The following EXOC4 variants were observed in gnomAD, a reference collection of about 807,000 sequenced individuals.
The protein encoded by EXOC4 is exocyst complex component 4.
EXOC4 carries 71 observed loss-of-function variants against 107.2 expected under a neutral mutation model. The ratio of observed to expected loss-of-function variants is 0.66; its 90% CI spans 0.55 to 0.81. The LOEUF (loss-of-function observed/expected upper bound fraction) is 0.81, where lower values mean the gene tolerates loss of function less well. Ranked by LOEUF, EXOC4 falls within the 30% of genes least tolerant of loss-of-function variation. The pLI, the probability that EXOC4 is intolerant of heterozygous loss-of-function variation, is 0.00. For synonymous variants in EXOC4, 456 were observed against 441.2 expected, an observed-to-expected ratio of 1.03 and a Z score of -0.42; for missense variants, 1,108 against 1,189.6, an observed-to-expected ratio of 0.93 and a Z score of 1.01.
intron 9 of EXOC4, among the ~76,000 whole-genome samples, chr7:133,578,629 T>A (rs1481423271): frequency 6.6e-6 from 1 of 152,244 alleles, no homozygotes; most frequent in African/African-American, 2.4e-5. Flanking sequence ...TTAATTTGCA[T>A]AAATGTATTT....
chr7:133,780,052 T>G (rs1230187939), intron 10 of EXOC4, among the ~76,000 whole-genome samples: 1 of 152,126 alleles, frequency 6.6e-6, no homozygotes, highest in Non-Finnish European at 1.5e-5. Context: ...GTGCTGGCGA[T>G]AAAAGCAGTG....
At chr7:133,481,039 G>C (rs1005703822) in intron 9 of EXOC4, 3 of 135,374 alleles carry the variant, frequency 2.2e-5, no homozygotes, top group Non-Finnish European at 3.1e-5. Flanking sequence ...GACAAAGTGA[G>C]ACCATGTCTC....
At chr7:134,014,141 C>T (rs768087405) in intron 17 of EXOC4, among the ~76,000 whole-genome samples, 3 of 152,334 alleles carry the variant, frequency 2.0e-5, no homozygotes, top group Non-Finnish European at 4.4e-5. Context: ...CGGTGGCTCA[C>T]GCCTGTAATC....
intron 11 of EXOC4, among the ~76,000 whole-genome samples, chr7:133,844,794 C>T (rs905322911): frequency 2.0e-5 from 3 of 152,020 alleles, no homozygotes; most frequent in African/African-American, 4.8e-5. Flanking sequence ...GCCTCAAACT[C>T]AACTCAGGTG....
chr7:133,378,425 A>T (rs1796539155), intron 7 of EXOC4, among the ~76,000 whole-genome samples: 2 of 152,074 alleles, frequency 1.3e-5, no homozygotes, highest in African/African-American at 4.8e-5. Flanking sequence ...ACAAAAAAAA[A>T]AAATGCTTTT....
At chr7:134,065,916 C>T (rs747279954), downstream of EXOC4, 1 of 152,170 alleles carries the variant, frequency 6.6e-6, no homozygotes, top group African/African-American at 2.4e-5. Context: ...GCCAAAAATC[C>T]CAACAGCTCA....
chr7:133,865,819 G>T (rs1432564561), intron 11 of EXOC4, among the ~76,000 whole-genome samples: 1 of 152,176 alleles, frequency 6.6e-6, no homozygotes, highest in Non-Finnish European at 1.5e-5. Flanking sequence ...AAATCCACCT[G>T]CATGATCCAA....
At chr7:133,512,702 C>T (rs966433370) in intron 9 of EXOC4, among the ~76,000 whole-genome samples, 10 of 152,144 alleles carry the variant, frequency 6.6e-5, no homozygotes, top group African/African-American at 1.9e-4. Context: ...GTTAACTGAG[C>T]TTAGGTCATT....
chr7:133,943,612 A>G (rs1361556454), intron 14 of EXOC4, among the ~76,000 whole-genome samples: 1 of 152,158 alleles, frequency 6.6e-6, no homozygotes, highest in Non-Finnish European at 1.5e-5. Flanking sequence ...TGCTATATTT[A>G]TGTAATTTGT....
At chr7:133,690,914 C>T (rs369312945) in intron 10 of EXOC4, among the ~76,000 whole-genome samples, 3 of 152,116 alleles carry the variant, frequency 2.0e-5, no homozygotes, top group East Asian at 3.9e-4. Context: ...ATCCAGGTGC[C>T]GACTCCTCAT....
At chr7:133,938,998 C>A (rs1033689316) in intron 14 of EXOC4, among the ~76,000 whole-genome samples, 2 of 152,154 alleles carry the variant, frequency 1.3e-5, no homozygotes, top group African/African-American at 4.8e-5. Context: ...GATCCACCTG[C>A]CTCGGCCTCC....
chr7:133,576,724 A>C (rs1197983836), intron 9 of EXOC4: 9 of 1,289,636 alleles, frequency 7.0e-6, no homozygotes, highest in African/African-American at 4.6e-5. Context: ...GCCAACATGG[A>C]GATAGAGGAT....
At chr7:133,642,602 C>T (rs1367229592) in intron 10 of EXOC4, among the ~76,000 whole-genome samples, 4 of 152,110 alleles carry the variant, frequency 2.6e-5, no homozygotes, top group East Asian at 1.9e-4. Flanking sequence ...TTGCTTTAGT[C>T]GCTCAGTTTC....
At chr7:133,325,075 C>G (rs1272587177) in intron 5 of EXOC4, among the ~76,000 whole-genome samples, 1 of 152,198 alleles carries the variant, frequency 6.6e-6, no homozygotes, top group African/African-American at 2.4e-5. Context: ...AGATTTTCCT[C>G]CATCCCTCTA....
intron 17 of EXOC4, among the ~76,000 whole-genome samples, chr7:134,025,450 A>G (rs1795118948): frequency 6.6e-6 from 1 of 152,256 alleles, no homozygotes; most frequent in African/African-American, 2.4e-5. Context: ...TACCTAAAAC[A>G]ACAACCATTA....
At chr7:133,537,787 G>A (rs1284270819) in intron 9 of EXOC4, among the ~76,000 whole-genome samples, 1 of 152,082 alleles carries the variant, frequency 6.6e-6, no homozygotes, top group Non-Finnish European at 1.5e-5. Context: ...TTTTATCAAA[G>A]CATCTGTGGA....
chr7:134,094,540 G>A, the EXOC4 span, among the ~76,000 whole-genome samples: 1 of 152,056 alleles, frequency 6.6e-6, no homozygotes, highest in Non-Finnish European at 1.5e-5. Flanking sequence ...TCGAAGAGGA[G>A]AGACTCCTCC....
chr7:133,415,199 T>C (rs1797447851), intron 7 of EXOC4, among the ~76,000 whole-genome samples: 1 of 152,222 alleles, frequency 6.6e-6, no homozygotes, highest in Non-Finnish European at 1.5e-5. Context: ...TTGGGTTGTT[T>C]TCACTTTGTA....
At chr7:133,553,017 C>T (rs1800621743) in intron 9 of EXOC4, among the ~76,000 whole-genome samples, 1 of 152,108 alleles carries the variant, frequency 6.6e-6, no homozygotes, top group South Asian at 2.1e-4. Flanking sequence ...GGTTAACATG[C>T]ACTGAGCTCC....
Sources: gnomAD v4.1 joint callset for allele counts (sites outside exome capture counted in the v4.1 genomes callset) on GRCh38, gnomAD v4.1.1 for gene constraint, MANE v1.5 for transcripts, NCBI Gene and HGNC (gene_info 2026-07-23, HGNC 2026-07-21) for gene names.